OTOGL: variants seen among roughly 807,000 people sequenced by gnomAD.
The protein encoded by OTOGL is otogelin-like protein.
OTOGL carries 285 observed loss-of-function variants against 318.5 expected under a neutral mutation model. That is an observed-to-expected ratio of 0.89 (90% CI 0.81 to 0.99). OTOGL has a LOEUF of 0.99. OTOGL is among the 50% of genes least tolerant of loss of function. The probability of loss-of-function intolerance (pLI) is 0.00; values close to 1 mark genes in which losing one functional copy is unlikely to be tolerated. For synonymous variants in OTOGL, 987 were observed against 936.5 expected, an observed-to-expected ratio of 1.05 and a Z score of -0.99; for missense variants, 2,899 against 2,845.6, an observed-to-expected ratio of 1.02 and a Z score of -0.43.
intron 31 of OTOGL, 74 bp from the exon 32 acceptor site, chr12:80,314,231 G>T: frequency 2.3e-6 from 1 of 436,462 alleles, no homozygotes; most frequent in Non-Finnish European, 3.8e-6. Context: ...TAAATATGTG[G>T]CCATATCTTG....
At chr12:80,249,424 G>A (rs979247776) in intron 11 of OTOGL, among the ~76,000 whole-genome samples, 9 of 151,414 alleles carry the variant, frequency 5.9e-5, no homozygotes, top group East Asian at 5.8e-4. Flanking sequence ...ATACCCTGCC[G>A]TGTGAGGTGT....
rs147481907 is a variant in OTOGL, at chr12:80,293,122, G to A, written c.2929-3705G>A. ...AACCTTTACTCTTTGGTAGACAGGAGACTCAGTTTCCCAAATAATCTTAAA... is the reference window on the plus strand; with the variant it reads ...AACCTTTACTCTTTGGTAGACAGGAAACTCAGTTTCCCAAATAATCTTAAA... On this transcript the variant is annotated intron_variant, in intron 26 of 58. Coordinates refer to ENST00000547103, the MANE Select transcript of OTOGL (RefSeq NM_001378609.3). Among the ~76,000 whole-genome samples, 44 of 152,254 alleles carry A rather than the reference G, an allele frequency of 2.9e-4. No homozygotes were observed. In the East Asian group the frequency reaches 5.8e-3, roughly 20 times the overall value.
intron 8 of OTOGL, among the ~76,000 whole-genome samples, chr12:80,230,888 G>A (rs1210722530): frequency 6.6e-6 from 1 of 152,128 alleles, no homozygotes; most frequent in African/African-American, 2.4e-5. Context: ...ACATTTTAAT[G>A]TTTCCTGCCT....
At chr12:80,311,187 G>A in intron 30 of OTOGL, among the ~76,000 whole-genome samples, 1 of 152,246 alleles carries the variant, frequency 6.6e-6, no homozygotes, top group East Asian at 1.9e-4. Flanking sequence ...TTCCTAGCAT[G>A]ATTATTTTAG....
At chr12:80,325,553 C>A (rs1057081709) in intron 35 of OTOGL, among the ~76,000 whole-genome samples, 3 of 152,178 alleles carry the variant, frequency 2.0e-5, no homozygotes, top group African/African-American at 7.2e-5. Context: ...GACTGCTACA[C>A]CCTGTTGTTT....
chr12:80,230,618 G>A (rs891139923), intron 8 of OTOGL, among the ~76,000 whole-genome samples: 5 of 152,164 alleles, frequency 3.3e-5, no homozygotes, highest in Non-Finnish European at 5.9e-5. Context: ...GCATTTCTAT[G>A]AGGATTTCAG....
chr12:80,257,705 C>A, intron 17 of OTOGL, 120 bp from the exon 18 acceptor site: 1 of 1,043,132 alleles, frequency 9.6e-7, no homozygotes, highest in Non-Finnish European at 1.3e-6. Context: ...ACAGGAACCA[C>A]TAGCCTGCCT....
At chr12:80,307,906 TG>T (rs1284522614) in intron 29 of OTOGL, among the ~76,000 whole-genome samples, 4 of 106,524 alleles carry the variant, frequency 3.8e-5, no homozygotes, top group African/African-American at 4.4e-5. Flanking sequence ...ACGGGGCGGC[TG>T]GCCGGGCGGG....
At chr12:80,327,911 A>G (rs1887790543) in intron 35 of OTOGL, among the ~76,000 whole-genome samples, 2 of 134,190 alleles carry the variant, frequency 1.5e-5, no homozygotes, top group African/African-American at 2.9e-5. Context: ...GTGAGCCGAG[A>G]TCGCGCCACT....
Position 80,170,189 on chromosome 12 carries a change from G to A in OTOGL, c.-19-39224G>A, listed in dbSNP as rs937595297. 2.2e-5 allele frequency among the ~76,000 whole-genome samples: 3 copies of A among 134,342 alleles called. 1 individual carries two copies. Among genetic ancestry groups the A allele is most frequent in the Non-Finnish European group, 4.5e-5 (3 of 66,830 alleles). 88.1% of individuals were successfully genotyped at this position (134,342 alleles called of 152,430 possible). On this transcript the variant is annotated intron_variant, in intron 1 of 58. Coordinates refer to ENST00000547103, the MANE Select transcript of OTOGL (RefSeq NM_001378609.3). ...CTCACTTTGTCAGGGGTGTGTGTGT[G>A]TGTGTGTGTGTGTGTGTGTGTGTGT...
In OTOGL at chr12:80,284,575, C is replaced by A. The variant is rs558787689; in HGVS notation, c.2928+5409C>A. 2.0e-5 allele frequency among the ~76,000 whole-genome samples: 3 copies of A among 152,286 alleles called. 1 individual carries two copies. The highest frequency in any genetic ancestry group is 7.2e-5 in the African/African-American group (3 of 41,558). On this transcript the variant is annotated intron_variant, in intron 26 of 58. Transcript: ENST00000547103. ...GACTTTTTAATGATCACCATTCTAA[C>A]TGGTGTGAGATGATATCTCATTGTG...
chr12:80,353,532 G>T (rs774241515), intron 46 of OTOGL, 22 bp downstream of exon 46: 2 of 1,436,638 alleles, frequency 1.4e-6, no homozygotes, highest in Admixed American at 2.4e-5. Context: ...AGTACAAAAT[G>T]ACTTCTCAGG....
At chr12:80,292,922 C>T (rs184511590) in intron 26 of OTOGL, among the ~76,000 whole-genome samples, 3 of 152,298 alleles carry the variant, frequency 2.0e-5, no homozygotes, top group Non-Finnish European at 2.9e-5. Flanking sequence ...TCTCGGACTT[C>T]AGGAGCCCTA....
rs1320737678 is a variant in OTOGL, at chr12:80,313,620, T to A, written c.3595T>A (p.Ser1199Thr). The A allele has an allele frequency of 1.2e-6, 2 of 1,611,496 alleles. No individual in the cohort carries two copies. The highest frequency in any genetic ancestry group is 2.7e-5 in the African/African-American group (2 of 74,976). Reference protein sequence around the residue: ...QEGISIHWRSSTVCSLDCEYY... With the variant: ...QEGISIHWRSTTVCSLDCEYY... ...AGGAATATCAATTCATTGGAGATCA[T>A]CTACTGTTTGTTGTAAGTACCCTAC... is the stretch of plus-strand genomic sequence containing the variant. Residue 1199 changes from serine to threonine, a missense_variant, in exon 31 of 59, where the codon TCT (serine) becomes ACT (threonine). By Grantham distance (58) the Ser-to-Thr change is moderately conservative. Transcript: ENST00000547103.
At chr12:80,151,503 A>G (rs1413008447) in intron 1 of OTOGL, among the ~76,000 whole-genome samples, 1 of 152,238 alleles carries the variant, frequency 6.6e-6, no homozygotes, top group Non-Finnish European at 1.5e-5. Flanking sequence ...CTCTCTAAAA[A>G]AAATAAATAA....
chr12:80,238,781 T>C (rs1411162929), intron 9 of OTOGL, 70 bp from the exon 10 acceptor site: 5 of 1,344,566 alleles, frequency 3.7e-6, no homozygotes, highest in African/African-American at 3.0e-5. Context: ...TGAAGAACCA[T>C]GTCTGTTTGT....
At chr12:80,211,315 G>A (rs572096039) in intron 3 of OTOGL, among the ~76,000 whole-genome samples, 1 of 152,010 alleles carries the variant, frequency 6.6e-6, no homozygotes, top group South Asian at 2.1e-4. Flanking sequence ...TGTTTTAGCA[G>A]TAAATAAAGA....
chr12:80,309,248 G>T (rs959477076), intron 29 of OTOGL, among the ~76,000 whole-genome samples: 2 of 152,104 alleles, frequency 1.3e-5, no homozygotes, highest in Non-Finnish European at 2.9e-5. Context: ...GGAAAATTTC[G>T]AGGTGGAAAA....
intron 1 of OTOGL, among the ~76,000 whole-genome samples, chr12:80,142,375 T>C (rs1872007953): frequency 6.6e-6 from 1 of 152,136 alleles, no homozygotes; most frequent in Non-Finnish European, 1.5e-5. Context: ...GGCCAGAATC[T>C]GGAGTCCTTT....
Sources: allele counts gnomAD v4.1 joint callset (sites outside exome capture counted in the v4.1 genomes callset), GRCh38; gene constraint gnomAD v4.1.1; transcripts MANE v1.5; gene names NCBI Gene and HGNC (gene_info 2026-07-23, HGNC 2026-07-21).